Variants in NELL2 observed in about 807,000 individuals in gnomAD.
The protein encoded by NELL2 is neural EGFL like 2, also known as protein kinase C-binding protein NELL2.
A neutral mutation model predicts 109.6 loss-of-function variants in NELL2; 41 were observed. The ratio of observed to expected loss-of-function variants is 0.37; its 90% CI spans 0.29 to 0.49. The LOEUF is 0.49. NELL2 is among the 20% of genes least tolerant of loss of function. The pLI, the probability that NELL2 is intolerant of heterozygous loss-of-function variation, is 0.98. For missense variants in NELL2, 900 were observed against 1,008.3 expected, an observed-to-expected ratio of 0.89 and a Z score of 1.45; for synonymous variants, 355 against 344.7, an observed-to-expected ratio of 1.03 and a Z score of -0.33.
intron 12 of NELL2, among the ~76,000 whole-genome samples, chr12:44,678,784 A>C (rs1948400430): frequency 2.0e-5 from 3 of 152,154 alleles, no homozygotes; most frequent in South Asian, 4.1e-4. Flanking sequence ...AAGCCAAGCA[A>C]AATACAGATG....
chr12:44,561,164 T>C (rs575169568), intron 15 of NELL2, among the ~76,000 whole-genome samples: 3 of 152,280 alleles, frequency 2.0e-5, no homozygotes, highest in Admixed American at 2.0e-4. Context: ...AAACTAGGAA[T>C]TGATGGAATG....
chr12:44,599,769 C>A (rs1032523004), intron 15 of NELL2, among the ~76,000 whole-genome samples: 1 of 151,968 alleles, frequency 6.6e-6, no homozygotes, highest in South Asian at 2.1e-4. Context: ...TAAATTCATA[C>A]GCAGGCACAA....
intron 5 of NELL2, among the ~76,000 whole-genome samples, chr12:44,779,173 TAAAGGA>T (rs1202355433): frequency 6.6e-6 from 1 of 152,200 alleles, no homozygotes; most frequent in Non-Finnish European, 1.5e-5. Flanking sequence ...AAGTACATAT[TAAAGGA>T]AAAGATATAA....
At chr12:44,878,342 G>A (rs991818022), upstream of NELL2, among the ~76,000 whole-genome samples, 1 of 152,120 alleles carries the variant, frequency 6.6e-6, no homozygotes, top group Non-Finnish European at 1.5e-5. Context: ...AGTATGGGGA[G>A]GTGTGAAGAG....
chr12:44,714,851 G>A, intron 9 of NELL2, 110 bp from the exon 10 acceptor site: 1 of 550,960 alleles, frequency 1.8e-6, no homozygotes, highest in East Asian at 3.4e-5. Context: ...TTTTCAACAT[G>A]TATGACTAAC....
intron 13 of NELL2, among the ~76,000 whole-genome samples, chr12:44,649,609 G>C (rs369066179): frequency 2.8e-4 from 42 of 152,142 alleles, no homozygotes; most frequent in Non-Finnish European, 2.6e-4. Flanking sequence ...AGCATTGAAG[G>C]CTTCAGAGAT....
At chr12:44,636,886 C>CT (rs1162351939) in intron 13 of NELL2, among the ~76,000 whole-genome samples, 7 of 151,946 alleles carry the variant, frequency 4.6e-5, no homozygotes, top group African/African-American at 1.7e-4. Flanking sequence ...TGGTCTGGTG[C>CT]TTTTTTTGCT....
At position 44,508,463 on chromosome 12, in the gene NELL2, T is replaced by G. The variant is rs950405956; in HGVS notation, c.*471A>C. 3.9e-5 allele frequency: 6 copies of G among 152,880 alleles called. No homozygotes were observed. Among genetic ancestry groups the G allele is most frequent in the African/African-American group, 1.2e-4 (5 of 41,470 alleles). 9.5% of individuals were successfully genotyped at this position (152,880 alleles called of 1,614,324 possible). A position where few individuals can be genotyped will look rare whatever the true frequency, so the allele number is the denominator to read the frequency against. On this transcript the variant is annotated 3_prime_UTR_variant, in exon 20 of 20. Coordinates refer to ENST00000429094, the MANE Select transcript of NELL2 (RefSeq NM_001145108.2). Reference sequence around the variant, plus strand: ...TACAATAACTTGTTTCAGATTTCTTTTCAGAGTGTACTGTACATAACATGT... The same window carrying G: ...TACAATAACTTGTTTCAGATTTCTTGTCAGAGTGTACTGTACATAACATGT...
At position 44,532,725 on chromosome 12, in the gene NELL2, G is replaced by T. The variant is rs1942134654; in HGVS notation, c.1664-4C>A. The T allele has an allele frequency of 6.3e-7, 1 of 1,592,552 alleles. No homozygotes were observed. Among genetic ancestry groups the T allele is most frequent in the South Asian group, 1.2e-5 (1 of 86,570 alleles). The stretch of plus-strand genomic sequence containing the variant: ...CCATCAGAGCATTCATCAATGTCTG[G>T]CAAAAAAAGAGGGATTTTATAAAAT... On this transcript the variant is annotated splice_region_variant and splice_polypyrimidine_tract_variant and intron_variant, in intron 15 of 19. Transcript: ENST00000429094.
intron 15 of NELL2, among the ~76,000 whole-genome samples, chr12:44,600,625 G>C (rs899857438): frequency 6.6e-6 from 1 of 152,190 alleles, no homozygotes; most frequent in Non-Finnish European, 1.5e-5. Context: ...CCCAAAAAGA[G>C]AAAGATCTTG....
At chr12:44,630,019 T>C (rs953762234) in intron 13 of NELL2, among the ~76,000 whole-genome samples, 1 of 152,170 alleles carries the variant, frequency 6.6e-6, no homozygotes, top group African/African-American at 2.4e-5. Flanking sequence ...CTATTAATCA[T>C]GTTGAGGTGT....
At chr12:44,574,008 C>T (rs947451685) in intron 15 of NELL2, among the ~76,000 whole-genome samples, 2 of 152,060 alleles carry the variant, frequency 1.3e-5, no homozygotes, top group African/African-American at 4.8e-5. Flanking sequence ...AATAACCTCC[C>T]TAGTTGTTTT....
intron 3 of NELL2, among the ~76,000 whole-genome samples, chr12:44,808,902 A>C (rs924764168): frequency 2.0e-5 from 3 of 152,046 alleles, no homozygotes; most frequent in Non-Finnish European, 4.4e-5. Flanking sequence ...AAGTTTATTA[A>C]TACAGAAGAT....
At chr12:44,795,141 T>C (rs1196710850) in intron 3 of NELL2, among the ~76,000 whole-genome samples, 1 of 152,074 alleles carries the variant, frequency 6.6e-6, no homozygotes, top group Non-Finnish European at 1.5e-5. Context: ...GACAAAAAGG[T>C]TGCACACAAC....
chr12:44,791,201 T>G (rs1942413411), intron 3 of NELL2, among the ~76,000 whole-genome samples: 1 of 62,460 alleles, frequency 1.6e-5, no homozygotes, highest in Non-Finnish European at 3.3e-5. Context: ...TATATATATA[T>G]ATATATATAT....
intron 13 of NELL2, among the ~76,000 whole-genome samples, chr12:44,648,732 T>TA (rs1491366109): frequency 0.026 from 634 of 24,702 alleles, 3 homozygotes; most frequent in East Asian, 0.11. Flanking sequence ...TATATATATA[T>TA]TTTTTTTTTT....
Position 44,777,091 on chromosome 12 carries a change from A to G in NELL2, c.713T>C (p.Val238Ala). The change falls in exon 7 of 20, where the codon GTG (valine) becomes GCG (alanine). Residue 238 changes from valine (V) to alanine (A), a missense_variant. Physicochemically the swap from Val to Ala is moderately conservative, Grantham distance 64. This residue lies in a region of NELL2 where 75 missense variants were observed against 118.9 expected (regional missense o/e 0.63). Transcript: ENST00000429094. ...CPTCNDFHGL[V>A]QKIMELQDIL... ...ATCCTGTAGCTCCATGATTTTCTGC[A>G]CAAGTCCATGGAAGTCATTGCAAGT... 2 of 1,614,078 alleles carry G rather than the reference A, an allele frequency of 1.2e-6. No individual in the cohort carries two copies. The highest frequency in any genetic ancestry group is 1.7e-6 in the Non-Finnish European group (2 of 1,179,952).
intron 9 of NELL2, among the ~76,000 whole-genome samples, chr12:44,750,829 G>A (rs1464814104): frequency 2.6e-5 from 4 of 152,112 alleles, no homozygotes; most frequent in Admixed American, 6.6e-5. Flanking sequence ...ATGCAATTAA[G>A]TTAAATGACT....
intron 2 of NELL2, among the ~76,000 whole-genome samples, chr12:44,868,675 G>A (rs1236099973): frequency 6.6e-6 from 1 of 152,048 alleles, no homozygotes; most frequent in African/African-American, 2.4e-5. Flanking sequence ...TTATATGTGG[G>A]ACCTTAAAAA....
Sources: gnomAD v4.1 joint callset for allele counts (sites outside exome capture counted in the v4.1 genomes callset) on GRCh38, gnomAD v4.1.1 for gene constraint, gnomAD v4.1.1 regional missense constraint, MANE v1.5 for transcripts, NCBI Gene and HGNC (gene_info 2026-07-23, HGNC 2026-07-21) for gene names.